DPP6: variants seen among roughly 807,000 people sequenced by gnomAD.
DPP6 encodes the protein dipeptidyl peptidase like 6.
In DPP6, 69 loss-of-function variants were observed where a neutral mutation model predicts 122.6. That is an observed-to-expected ratio of 0.56 (90% CI 0.46 to 0.69). DPP6 has a LOEUF of 0.69. DPP6 is among the 30% of genes least tolerant of loss of function. The pLI is 0.00. For synonymous variants in DPP6, 418 were observed against 433.1 expected, an observed-to-expected ratio of 0.97 and a Z score of 0.43; for missense variants, 928 against 1,116.9, an observed-to-expected ratio of 0.83 and a Z score of 2.41.
At chr7:154,641,136 C>G (rs749017527) in intron 6 of DPP6, among the ~76,000 whole-genome samples, 1 of 152,152 alleles carries the variant, frequency 6.6e-6, no homozygotes, top group Admixed American at 6.6e-5. Context: ...TTCCTTCCTC[C>G]GATGGCTGTG....
chr7:153,871,627 C>T, the DPP6 span, among the ~76,000 whole-genome samples: 13 of 152,324 alleles, frequency 8.5e-5, no homozygotes, highest in East Asian at 1.9e-4. Context: ...TGCCCTGCTT[C>T]GGCTTACGCA....
At chr7:154,307,049 G>A (rs1806409970) in intron 1 of DPP6, among the ~76,000 whole-genome samples, 1 of 152,208 alleles carries the variant, frequency 6.6e-6, no homozygotes, top group African/African-American at 2.4e-5. Context: ...GACCATGGGA[G>A]AGAAGTAATA....
intron 1 of DPP6, among the ~76,000 whole-genome samples, chr7:154,383,908 A>AT (rs67199244): frequency 6.7e-6 from 1 of 149,460 alleles, no homozygotes; most frequent in Non-Finnish European, 1.5e-5. Context: ...AAAAAAAAAA[A>AT]GTGTTAATGA....
At chr7:154,511,187 T>A (rs746270360) in intron 3 of DPP6, among the ~76,000 whole-genome samples, 8 of 152,094 alleles carry the variant, frequency 5.3e-5, no homozygotes, top group Non-Finnish European at 1.0e-4. Context: ...CAATCTAAAG[T>A]AAATTTGAGA....
At chr7:154,590,077 C>G (rs1057350787) in intron 5 of DPP6, among the ~76,000 whole-genome samples, 8 of 152,106 alleles carry the variant, frequency 5.3e-5, no homozygotes, top group African/African-American at 1.9e-4. Context: ...TCTTTAATAA[C>G]CACATCCCCA....
At chr7:153,826,212 A>G in the DPP6 span, among the ~76,000 whole-genome samples, 1 of 152,176 alleles carries the variant, frequency 6.6e-6, no homozygotes, top group Non-Finnish European at 1.5e-5. Context: ...GTAGATGGGG[A>G]AATGGATGTA....
chr7:154,417,319 TG>T (rs200032693), intron 1 of DPP6, among the ~76,000 whole-genome samples: 2,746 of 152,366 alleles, frequency 0.018, 48 homozygotes, highest in Middle Eastern at 0.044. Flanking sequence ...ATGTAGTTTT[TG>T]TTGCAGTAGG....
intron 1 of DPP6, among the ~76,000 whole-genome samples, chr7:154,118,942 A>G (rs1305695019): frequency 6.6e-6 from 1 of 150,718 alleles, no homozygotes; most frequent in African/African-American, 2.4e-5. Flanking sequence ...TCTCTAAAAT[A>G]AAAGCTGACC....
intron 1 of DPP6, among the ~76,000 whole-genome samples, chr7:154,031,658 G>T (rs1174351901): frequency 6.6e-6 from 1 of 151,914 alleles, no homozygotes; most frequent in Admixed American, 6.6e-5. Flanking sequence ...TCAGTCTCTG[G>T]AGATTCCCTT....
At chr7:154,528,215 C>T (rs929496386) in intron 3 of DPP6, among the ~76,000 whole-genome samples, 2 of 152,162 alleles carry the variant, frequency 1.3e-5, no homozygotes, top group African/African-American at 4.8e-5. Context: ...AGGAATCTGA[C>T]ATTGTATGTT....
intron 4 of DPP6, among the ~76,000 whole-genome samples, chr7:154,547,426 A>G (rs1016123979): frequency 6.6e-6 from 1 of 152,210 alleles, no homozygotes; most frequent in African/African-American, 2.4e-5. Flanking sequence ...TGGCAGCAGC[A>G]AGATCCTCAT....
At chr7:154,488,516 G>A (rs1823994269) in intron 3 of DPP6, among the ~76,000 whole-genome samples, 1 of 151,166 alleles carries the variant, frequency 6.6e-6, no homozygotes, top group African/African-American at 2.4e-5. Context: ...CTATTTTCTT[G>A]CTTTAACTGG....
intron 1 of DPP6, among the ~76,000 whole-genome samples, chr7:153,896,205 C>A (rs933889577): frequency 2.0e-5 from 3 of 152,152 alleles, no homozygotes; most frequent in Non-Finnish European, 4.4e-5. Flanking sequence ...GGTATTGGTC[C>A]TATATAAACA....
chr7:154,060,746 C>A (rs1343395048), intron 1 of DPP6, among the ~76,000 whole-genome samples: 19 of 134,132 alleles, frequency 1.4e-4, no homozygotes, highest in African/African-American at 5.1e-4. Flanking sequence ...GAGGCAGGGA[C>A]TGAGAGCCAG....
chr7:154,800,591 G>T (rs2150446555), intron 12 of DPP6, among the ~76,000 whole-genome samples: 1 of 152,352 alleles, frequency 6.6e-6, no homozygotes, highest in Admixed American at 6.5e-5. Flanking sequence ...AGAGATGGTG[G>T]CGACACCTGC....
the DPP6 span, among the ~76,000 whole-genome samples, chr7:153,874,657 T>C: frequency 6.6e-6 from 1 of 152,208 alleles, no homozygotes; most frequent in East Asian, 1.9e-4. Context: ...ATTACAGGTG[T>C]GAGCCACTGT....
intron 1 of DPP6, among the ~76,000 whole-genome samples, chr7:154,089,445 T>C (rs1464653729): frequency 7.7e-6 from 1 of 130,608 alleles, no homozygotes; most frequent in Non-Finnish European, 1.6e-5. Flanking sequence ...ATGGCTTTGC[T>C]CAACTCACCA....
chr7:154,130,693 G>T (rs1795227234), intron 1 of DPP6, among the ~76,000 whole-genome samples: 1 of 152,084 alleles, frequency 6.6e-6, no homozygotes, highest in African/African-American at 2.4e-5. Context: ...CGTCAGATGG[G>T]GGCGGGTGGG....
At chr7:153,881,889 C>T in the DPP6 span, among the ~76,000 whole-genome samples, 3 of 152,200 alleles carry the variant, frequency 2.0e-5, no homozygotes, top group Non-Finnish European at 4.4e-5. Flanking sequence ...CTAAAGACCC[C>T]AGGAGCCCTG....
Sources: gnomAD v4.1 joint callset for allele counts (sites outside exome capture counted in the v4.1 genomes callset) on GRCh38, gnomAD v4.1.1 for gene constraint, MANE v1.5 for transcripts, NCBI Gene and HGNC (gene_info 2026-07-23, HGNC 2026-07-21) for gene names.